The following SEPSECS variants were observed in gnomAD, a reference collection of about 807,000 sequenced individuals.
SEPSECS encodes O-phosphoseryl-tRNA(Sec) selenium transferase.
SEPSECS carries 42 observed loss-of-function variants against 52.1 expected under a neutral mutation model. That is an observed-to-expected ratio of 0.81 (90% CI 0.63 to 1.04). The LOEUF is 1.04. Among genes scored for constraint, SEPSECS ranks in the 50% least tolerant of loss-of-function variants. SEPSECS has a pLI of 0.00. For missense variants in SEPSECS, 590 were observed against 610.6 expected (o/e 0.97, Z 0.36); for synonymous variants, 216 against 211.4 (o/e 1.02, Z -0.19).
intron 8 of SEPSECS, among the ~76,000 whole-genome samples, chr4:25,136,731 A>C (rs1425965853): frequency 6.6e-6 from 1 of 152,180 alleles, no homozygotes; most frequent in Non-Finnish European, 1.5e-5. Flanking sequence ...ATTCACATGG[A>C]ACCAAAAAAG....
chr4:25,153,775 A>G (rs1313191127), intron 5 of SEPSECS, among the ~76,000 whole-genome samples: 1 of 152,082 alleles, frequency 6.6e-6, no homozygotes, highest in Non-Finnish European at 1.5e-5. Flanking sequence ...GCTCTTACTC[A>G]GAAATATTCA....
intron 8 of SEPSECS, among the ~76,000 whole-genome samples, chr4:25,136,874 C>T (rs1458203246): frequency 6.6e-6 from 1 of 152,042 alleles, no homozygotes; most frequent in Non-Finnish European, 1.5e-5. Flanking sequence ...GACACATAGG[C>T]CAACGAAACA....
chr4:25,145,902 T>C (rs1421293329), intron 6 of SEPSECS, among the ~76,000 whole-genome samples: 1 of 152,218 alleles, frequency 6.6e-6, no homozygotes, highest in Non-Finnish European at 1.5e-5. Flanking sequence ...TTGTATACTC[T>C]TGGCAATTCT....
intron 3 of SEPSECS, 99 bp from the exon 4 acceptor site, chr4:25,156,294 G>A (rs1314254509): frequency 5.2e-5 from 57 of 1,090,346 alleles, no homozygotes; most frequent in Non-Finnish European, 6.1e-5. Context: ...AGTAAGAGTC[G>A]TAGCCCTAGG....
rs1728186975 is a variant in SEPSECS at position 25,122,887 on chromosome 4, T to G, written c.*1044A>C. 1 of 152,148 alleles carries G rather than the reference T, an allele frequency of 6.6e-6. No individual in the cohort carries two copies. The highest frequency in any genetic ancestry group is 6.6e-5 in the Admixed American group (1 of 15,254). 9.4% of individuals were successfully genotyped at this position (152,148 alleles called of 1,614,324 possible). On this transcript the variant is annotated 3_prime_UTR_variant, in exon 11 of 11. Transcript: ENST00000382103. ...CACCTGTTTATCATACTATGTGATT[T>G]TCATCTTCCTGGCAAAAATATGTTC...
At chr4:25,125,361 C>T in intron 10 of SEPSECS, 1 of 227,310 alleles carries the variant, frequency 4.4e-6, no homozygotes, top group South Asian at 8.9e-5. Context: ...ATGAAGATGG[C>T]TTATCTCTAA....
chr4:25,143,489 T>C (rs1577616792), intron 8 of SEPSECS, among the ~76,000 whole-genome samples: 1 of 152,192 alleles, frequency 6.6e-6, no homozygotes, highest in African/African-American at 2.4e-5. Flanking sequence ...CATTTGAGAG[T>C]CATTATCTTG....
intron 5 of SEPSECS, among the ~76,000 whole-genome samples, chr4:25,154,546 A>G (rs1390136056): frequency 6.6e-6 from 1 of 152,142 alleles, no homozygotes; most frequent in Non-Finnish European, 1.5e-5. Flanking sequence ...GACAACCACT[A>G]TGCACACCTA....
intron 8 of SEPSECS, 113 bp downstream of exon 8, chr4:25,144,661 A>C: frequency 1.3e-6 from 1 of 778,922 alleles, no homozygotes; most frequent in Non-Finnish European, 2.3e-6. Context: ...ATACTATCGG[A>C]CCATACTAGA....
In SEPSECS at chr4:25,125,799, AGTATCC is replaced by A; in HGVS notation, c.1121-21_1121-16del. 6.4e-7 allele frequency: 1 copy of A among 1,560,622 alleles called. No individual in the cohort carries two copies. Among genetic ancestry groups the A allele is most frequent in the Non-Finnish European group, 8.8e-7 (1 of 1,133,294 alleles). ...AAGTGTCATAGCTGAAAAAGAAAAA[AGTATCC>A]TAATAAGCCTTGGTTTACTGGCATA... is the stretch of plus-strand genomic sequence containing the variant. On this transcript the variant is annotated splice_polypyrimidine_tract_variant and intron_variant, in intron 9 of 10. Transcript: ENST00000382103.
intron 8 of SEPSECS, 101 bp from the exon 9 acceptor site, chr4:25,127,458 C>T (rs564180199): frequency 1.9e-5 from 16 of 840,678 alleles, no homozygotes; most frequent in Non-Finnish European, 2.6e-5. Context: ...TTTAAATTAA[C>T]TCATCCATGT....
intron 6 of SEPSECS, 128 bp downstream of exon 6, chr4:25,151,832 A>T: frequency 1.5e-6 from 1 of 677,240 alleles, no homozygotes; most frequent in South Asian, 1.6e-5. Context: ...GTAAGTTCCT[A>T]ACACAACCTG....
intron 9 of SEPSECS, among the ~76,000 whole-genome samples, chr4:25,127,004 A>C (rs1025492139): frequency 6.6e-6 from 1 of 152,218 alleles, no homozygotes; most frequent in Non-Finnish European, 1.5e-5. Flanking sequence ...TAGAAACAGG[A>C]CTTTAAGTAT....
At chr4:25,141,657 C>T (rs2109018491) in intron 8 of SEPSECS, among the ~76,000 whole-genome samples, 1 of 152,310 alleles carries the variant, frequency 6.6e-6, no homozygotes, top group East Asian at 1.9e-4. Context: ...GCCCCCCAAT[C>T]TATTATCAAT....
chr4:25,152,019 G>A lies in SEPSECS; in HGVS notation c.745C>T (p.His249Tyr). The change falls in exon 6 of 11, where the codon CAT (histidine) becomes TAT (tyrosine). Residue 249 changes from histidine (H) to tyrosine (Y), a missense_variant. Coordinates refer to ENST00000382103, the MANE Select transcript of SEPSECS (RefSeq NM_016955.4). Reference protein sequence around the residue: ...AVICANYDIPHIVNNAYGVQS... With the variant: ...AVICANYDIPYIVNNAYGVQS... The stretch of plus-strand genomic sequence containing the variant: ...ACTCCATAAGCATTATTAACTATAT[G>A]TGGAATGTCATAATTAGCACAAATC... The A allele has an allele frequency of 6.2e-7, 1 of 1,600,382 alleles. No homozygotes were observed. Among genetic ancestry groups the A allele is most frequent in the South Asian group, 1.1e-5 (1 of 90,804 alleles).
At chr4:25,142,697 A>G (rs3796792) in intron 8 of SEPSECS, among the ~76,000 whole-genome samples, 57,564 of 152,066 alleles carry the variant, frequency 0.38, 12,998 homozygotes, top group Non-Finnish European at 0.5. Context: ...TAAGGGTAAA[A>G]ATGGGTATGA....
intron 8 of SEPSECS, among the ~76,000 whole-genome samples, chr4:25,129,992 A>C (rs1000997524): frequency 6.6e-5 from 10 of 152,140 alleles, no homozygotes; most frequent in Admixed American, 3.3e-4. Flanking sequence ...TTTCCAATTT[A>C]CTCTGAAATT....
At chr4:25,156,275 A>T (rs1290861775) in intron 3 of SEPSECS, 80 bp from the exon 4 acceptor site, 47 of 1,299,970 alleles carry the variant, frequency 3.6e-5, no homozygotes, top group Non-Finnish European at 4.9e-5. Context: ...TATATTTCAT[A>T]TATAAAATAG....
At chr4:25,144,699 C>T (rs1335871649) in intron 8 of SEPSECS, 75 bp downstream of exon 8, 4 of 1,062,718 alleles carry the variant, frequency 3.8e-6, no homozygotes, top group Non-Finnish European at 4.4e-6. Context: ...AAGAAACCAA[C>T]AGGCAGAAAA....
Sources: gnomAD v4.1 joint callset for allele counts (sites outside exome capture counted in the v4.1 genomes callset) on GRCh38, gnomAD v4.1.1 for gene constraint, MANE v1.5 for transcripts, NCBI Gene and HGNC (gene_info 2026-07-23, HGNC 2026-07-21) for gene names.